The following TLL1 variants were observed in gnomAD, a reference collection of about 807,000 sequenced individuals.
TLL1 encodes the protein tolloid-like protein 1.
TLL1 carries 49 observed loss-of-function variants against 128.2 expected under a neutral mutation model. The ratio of observed to expected loss-of-function variants is 0.38; its 90% CI spans 0.30 to 0.48. The LOEUF is 0.48. Among genes scored for constraint, TLL1 ranks in the 20% least tolerant of loss-of-function variants. TLL1 has a pLI of 0.96. For missense variants in TLL1, 1,123 were observed against 1,242.0 expected, an observed-to-expected ratio of 0.90 and a Z score of 1.44; for synonymous variants, 454 against 418.8, an observed-to-expected ratio of 1.08 and a Z score of -1.03.
At chr4:165,945,039 G>T (rs1246080165) in intron 1 of TLL1, among the ~76,000 whole-genome samples, 4 of 152,146 alleles carry the variant, frequency 2.6e-5, no homozygotes. Flanking sequence ...AAGGAAGCAA[G>T]TCCAGGGATA....
At chr4:165,991,965 C>T (rs775491282) in intron 2 of TLL1, among the ~76,000 whole-genome samples, 22 of 151,718 alleles carry the variant, frequency 1.5e-4, no homozygotes, top group South Asian at 2.1e-4. Flanking sequence ...GTGACAAAAC[C>T]GAGAGTAGCA....
intron 16 of TLL1, among the ~76,000 whole-genome samples, chr4:166,066,735 T>C (rs1241987625): frequency 1.3e-5 from 2 of 151,716 alleles, no homozygotes; most frequent in East Asian, 3.9e-4. Flanking sequence ...ACAAGCTCCA[T>C]TGAGTTCCAA....
intron 9 of TLL1, among the ~76,000 whole-genome samples, chr4:166,033,302 C>T (rs1367197811): frequency 6.6e-6 from 1 of 151,944 alleles, no homozygotes; most frequent in Non-Finnish European, 1.5e-5. Context: ...TTAAAGAAAA[C>T]TCTGATTTGA....
chr4:165,934,729 T>C (rs1223147242), intron 1 of TLL1, among the ~76,000 whole-genome samples: 1 of 152,240 alleles, frequency 6.6e-6, no homozygotes, highest in Non-Finnish European at 1.5e-5. Context: ...GTAACCCATC[T>C]CCTGGTGGCC....
chr4:166,009,689 A>T (rs1170165886), intron 7 of TLL1, among the ~76,000 whole-genome samples: 1 of 151,360 alleles, frequency 6.6e-6, no homozygotes, highest in East Asian at 1.9e-4. Flanking sequence ...CATTCACGTT[A>T]TTTTATTTTT....
chr4:165,908,397 C>A (rs1249749477), intron 1 of TLL1, among the ~76,000 whole-genome samples: 2 of 151,954 alleles, frequency 1.3e-5, no homozygotes, highest in African/African-American at 4.8e-5. Context: ...CAAGACCAGC[C>A]TGGGCAACAT....
intron 1 of TLL1, among the ~76,000 whole-genome samples, chr4:165,944,436 C>G (rs1734152754): frequency 6.6e-6 from 1 of 152,072 alleles, no homozygotes. Context: ...GTTCCTGGAC[C>G]TGAAGGAAGA....
At chr4:166,037,207 G>T (rs995548749) in intron 9 of TLL1, among the ~76,000 whole-genome samples, 2 of 151,802 alleles carry the variant, frequency 1.3e-5, no homozygotes, top group Admixed American at 1.3e-4. Context: ...TAAACACAAA[G>T]TTAAAGGGAA....
intron 9 of TLL1, among the ~76,000 whole-genome samples, chr4:166,033,395 A>G (rs893289694): frequency 6.6e-6 from 1 of 152,190 alleles, no homozygotes; most frequent in Admixed American, 6.5e-5. Flanking sequence ...TAAATTATGT[A>G]CATTAGAGAC....
intron 19 of TLL1, among the ~76,000 whole-genome samples, chr4:166,096,216 T>C (rs1357701109): frequency 8.8e-6 from 1 of 114,002 alleles, no homozygotes; most frequent in African/African-American, 2.8e-5. Context: ...CATGGGTGTG[T>C]GTGTGTGTGT....
chr4:165,900,053 GA>G (rs1411596283), intron 1 of TLL1, among the ~76,000 whole-genome samples: 7 of 142,266 alleles, frequency 4.9e-5, no homozygotes, highest in Non-Finnish European at 1.0e-4. Flanking sequence ...TGCTTTCCCT[GA>G]TTTTTTTTTT....
At chr4:166,018,337 C>A (rs558895534) in intron 8 of TLL1, among the ~76,000 whole-genome samples, 2 of 152,152 alleles carry the variant, frequency 1.3e-5, no homozygotes, top group Admixed American at 1.3e-4. Context: ...TGTGAGACCT[C>A]AAACTATAAG....
At chr4:165,935,497 A>G (rs904529172) in intron 1 of TLL1, among the ~76,000 whole-genome samples, 32 of 152,360 alleles carry the variant, frequency 2.1e-4, no homozygotes, top group African/African-American at 7.2e-4. Flanking sequence ...ACAAATAAAA[A>G]TAAAAAACAT....
At chr4:165,878,684 T>C (rs1018141068) in intron 1 of TLL1, among the ~76,000 whole-genome samples, 2 of 152,160 alleles carry the variant, frequency 1.3e-5, no homozygotes, top group Non-Finnish European at 2.9e-5. Context: ...CACGTTTTGC[T>C]TCTGGGTAGT....
intron 1 of TLL1, among the ~76,000 whole-genome samples, chr4:165,948,601 G>A (rs571920647): frequency 1.3e-5 from 2 of 152,228 alleles, no homozygotes; most frequent in African/African-American, 4.8e-5. Flanking sequence ...GCAGTGCAGG[G>A]CCTCACATGG....
intron 9 of TLL1, 27 bp downstream of exon 9, chr4:166,025,458 TTTATTC>T: frequency 6.7e-7 from 1 of 1,495,548 alleles, no homozygotes; most frequent in Non-Finnish European, 9.3e-7. Flanking sequence ...AGCCCACTAT[TTTATTC>T]TTATATAAGT....
intron 1 of TLL1, among the ~76,000 whole-genome samples, chr4:165,908,991 G>A (rs1732401287): frequency 6.6e-6 from 1 of 152,182 alleles, no homozygotes; most frequent in Non-Finnish European, 1.5e-5. Flanking sequence ...GAGGTCAGGA[G>A]TTTGAGACCA....
At chr4:166,089,407 C>T (rs1486033239) in intron 18 of TLL1, among the ~76,000 whole-genome samples, 3 of 152,030 alleles carry the variant, frequency 2.0e-5, no homozygotes, top group Non-Finnish European at 4.4e-5. Context: ...TGAGGTTGGC[C>T]ATAAACGTCA....
intron 18 of TLL1, 105 bp downstream of exon 18, chr4:166,078,135 A>T (rs1408414931): frequency 9.7e-6 from 15 of 1,541,186 alleles, no homozygotes; most frequent in Non-Finnish European, 1.3e-5. Context: ...ATCGAATCGT[A>T]GGCAGCTGGA....
Sources: gnomAD v4.1 joint callset for allele counts (sites outside exome capture counted in the v4.1 genomes callset) on GRCh38, gnomAD v4.1.1 for gene constraint, MANE v1.5 for transcripts, NCBI Gene and HGNC (gene_info 2026-07-23, HGNC 2026-07-21) for gene names.